The following RC3H1 variants were observed in gnomAD, a reference collection of about 807,000 sequenced individuals.
RC3H1 encodes roquin-1.
RC3H1 carries 50 observed loss-of-function variants against 138.2 expected under a neutral mutation model. The ratio of observed to expected loss-of-function variants is 0.36; its 90% CI spans 0.29 to 0.46. The LOEUF (loss-of-function observed/expected upper bound fraction) is 0.46, where lower values mean the gene tolerates loss of function less well. RC3H1 is among the 20% of genes least tolerant of loss of function. The probability of loss-of-function intolerance (pLI) is 1.00; values close to 1 mark genes in which losing one functional copy is unlikely to be tolerated. For synonymous variants in RC3H1, 462 were observed against 489.1 expected (o/e 0.94, Z 0.73); for missense variants, 1,031 against 1,388.1 (o/e 0.74, Z 4.09).
rs1571220883 is a variant in RC3H1 at position 173,983,135 on chromosome 1, T to A, written c.593-233A>T. The A allele has an allele frequency of 6.3e-6, 3 of 474,392 alleles. No individual in the cohort carries two copies. In the East Asian group the frequency reaches 1.0e-4, roughly 17 times the overall value. 29.4% of individuals were successfully genotyped at this position (474,392 alleles called of 1,614,324 possible). Reference sequence around the variant, plus strand: ...TTAATAAATTTAAGAAAAACTTCTATCAAAATGAATGAACTTCCTGCTACA... The same window carrying A: ...TTAATAAATTTAAGAAAAACTTCTAACAAAATGAATGAACTTCCTGCTACA... On this transcript the variant is annotated intron_variant, in intron 4 of 19. Coordinates refer to ENST00000367696, the MANE Select transcript of RC3H1 (RefSeq NM_172071.4).
Position 173,938,742 on chromosome 1 carries a change from A to C in RC3H1, c.3381T>G (p.Val1127=). The change falls in exon 20 of 20, where the codon GTT becomes GTG. Residue 1127 remains valine (V), a synonymous_variant. Transcript: ENST00000367696. ...GDNNDSQRSG[V]TPSSAP ...TATTTTAAGGAGCAGAACTGGGAGT[A>C]ACTCCTGATCTCTGGGAGTCATTAT... 5.0e-6 allele frequency: 8 copies of C among 1,611,294 alleles called. No individual in the cohort carries two copies. The highest frequency in any genetic ancestry group is 6.8e-6 in the Non-Finnish European group (8 of 1,178,558).
chr1:174,004,134 C>G lies in RC3H1; in HGVS notation c.-150-10999G>C, dbSNP rs1414559754. 4.0e-5 allele frequency among the ~76,000 whole-genome samples: 6 copies of G among 150,538 alleles called. No individual in the cohort carries two copies. In the South Asian group the frequency reaches 1.3e-3, roughly 32 times the overall value. ...TTTTTATTATTTTTTGAGACAGGGT[C>G]TTGCTCTGTCATCCAGACTGGAGTC... On this transcript the variant is annotated intron_variant, in intron 1 of 19. Coordinates refer to ENST00000367696, the MANE Select transcript of RC3H1 (RefSeq NM_172071.4).
chr1:173,961,348 C>G (rs1435136235), intron 12 of RC3H1, 104 bp from the exon 13 acceptor site: 2 of 1,000,442 alleles, frequency 2.0e-6, no homozygotes, highest in Non-Finnish European at 2.9e-6. Context: ...GCTTGTATAC[C>G]CTTCTTAACA....
At chr1:173,988,508 T>C (rs926914481) in intron 2 of RC3H1, among the ~76,000 whole-genome samples, 14 of 152,238 alleles carry the variant, frequency 9.2e-5, no homozygotes, top group Non-Finnish European at 8.8e-5. Flanking sequence ...ACTGCTTCCA[T>C]TTTTTGGCAA....
At chr1:173,992,389 C>T (rs2103041982) in intron 2 of RC3H1, among the ~76,000 whole-genome samples, 1 of 152,118 alleles carries the variant, frequency 6.6e-6, no homozygotes, top group East Asian at 1.9e-4. Flanking sequence ...TCAAATGATC[C>T]ACCCGCCTTG....
intron 2 of RC3H1, among the ~76,000 whole-genome samples, chr1:173,990,181 G>A (rs1406754325): frequency 2.0e-5 from 3 of 150,618 alleles, no homozygotes; most frequent in South Asian, 2.1e-4. Flanking sequence ...GGGTTCAAGC[G>A]AGTCTCATGC....
intron 2 of RC3H1, among the ~76,000 whole-genome samples, chr1:173,991,720 T>C (rs1298997963): frequency 2.0e-5 from 3 of 152,260 alleles, no homozygotes; most frequent in Non-Finnish European, 4.4e-5. Context: ...GATGATCATA[T>C]GTGTGCAATT....
chr1:173,970,332 T>C (rs778771507), intron 9 of RC3H1, among the ~76,000 whole-genome samples, 173 bp downstream of exon 9: 1 of 152,230 alleles, frequency 6.6e-6, no homozygotes, highest in Non-Finnish European at 1.5e-5. Flanking sequence ...CTTTCAAGCA[T>C]TTTTGGATTT....
intron 1 of RC3H1, among the ~76,000 whole-genome samples, chr1:174,002,361 T>A (rs768113679): frequency 2.6e-5 from 4 of 152,130 alleles, no homozygotes; most frequent in Non-Finnish European, 5.9e-5. Flanking sequence ...GGAAAGAAAA[T>A]CTAACCTGTG....
intron 13 of RC3H1, among the ~76,000 whole-genome samples, chr1:173,960,256 C>T (rs1659816615): frequency 6.6e-6 from 1 of 151,916 alleles, no homozygotes; most frequent in Non-Finnish European, 1.5e-5. Flanking sequence ...CGCCATTGCA[C>T]TCCAGCCTGG....
At chr1:173,967,688 G>A (rs1303230090) in intron 9 of RC3H1, among the ~76,000 whole-genome samples, 1 of 152,136 alleles carries the variant, frequency 6.6e-6, no homozygotes, top group African/African-American at 2.4e-5. Context: ...AGACTTGTAA[G>A]AGCTCATTTT....
chr1:173,971,966 T>C (rs1320820129), intron 8 of RC3H1, among the ~76,000 whole-genome samples: 2 of 152,086 alleles, frequency 1.3e-5, no homozygotes, highest in Non-Finnish European at 2.9e-5. Context: ...AATTTAAAAC[T>C]CTAGCTATAA....
intron 2 of RC3H1, 56 bp downstream of exon 2, chr1:173,992,699 C>CACAGAG (rs878958584): frequency 2.5e-5 from 19 of 746,370 alleles, no homozygotes; most frequent in Middle Eastern, 2.7e-4. Flanking sequence ...CACACACACA[C>CACAGAG]AGAGAGAGAG....
intron 9 of RC3H1, among the ~76,000 whole-genome samples, chr1:173,968,766 C>T (rs1307635471): frequency 1.3e-5 from 2 of 151,766 alleles, no homozygotes; most frequent in Non-Finnish European, 2.9e-5. Flanking sequence ...ACTAATTAAG[C>T]ATCATACTAT....
At chr1:174,017,799 A>C (rs1455810354) in intron 1 of RC3H1, among the ~76,000 whole-genome samples, 2 of 150,398 alleles carry the variant, frequency 1.3e-5, no homozygotes, top group Non-Finnish European at 3.0e-5. Flanking sequence ...AAAAAAAAAA[A>C]AAAAAAAAAA....
Position 173,958,516 on chromosome 1 carries a change from A to G in RC3H1, c.2370+2561T>C, listed in dbSNP as rs535166180. 2.3e-3 allele frequency among the ~76,000 whole-genome samples: 348 copies of G among 152,212 alleles called. 4 individuals are homozygous for G. The highest frequency in any genetic ancestry group is 4.3e-4 in the Non-Finnish European group (29 of 68,010). ...AGCCGAGATCGCACCACTGCACTCC[A>G]GCCTGGGCGACAGAGCAAGACTCTG... On this transcript the variant is annotated intron_variant, in intron 13 of 19. Transcript: ENST00000367696.
chr1:173,942,658 C>A (rs568404527), intron 18 of RC3H1, among the ~76,000 whole-genome samples: 1 of 151,658 alleles, frequency 6.6e-6, no homozygotes, highest in Non-Finnish European at 1.5e-5. Context: ...CGGTGAAACC[C>A]CGTCTCTACT....
In RC3H1 at chr1:173,992,853, G is replaced by A; in HGVS notation, c.133C>T (p.Leu45Phe). Residue 45 changes from leucine (L) to phenylalanine (F), a missense_variant, in exon 2 of 20, where the codon CTC becomes TTC. By Grantham distance (22) the Leu-to-Phe change is conservative. Transcript: ENST00000367696. ...HTVCKMCLNK[L>F]HRKACPFDQT... ...TCAAATGGGCAAGCCTTGCGGTGGA[G>A]TTTATTCAGGCACATCTTGCAGACA... is the stretch of plus-strand genomic sequence containing the variant. 6.2e-7 allele frequency: 1 copy of A among 1,614,196 alleles called. No homozygotes were observed. Among genetic ancestry groups the A allele is most frequent in the Non-Finnish European group, 8.5e-7 (1 of 1,180,028 alleles).
chr1:173,955,663 G>A (rs1450067907), intron 13 of RC3H1, among the ~76,000 whole-genome samples: 2 of 152,080 alleles, frequency 1.3e-5, no homozygotes, highest in Middle Eastern at 3.4e-3. Flanking sequence ...CAACAATGTT[G>A]TAGATACAAA....
Sources: gnomAD v4.1 joint callset for allele counts (sites outside exome capture counted in the v4.1 genomes callset) on GRCh38, gnomAD v4.1.1 for gene constraint, MANE v1.5 for transcripts, NCBI Gene and HGNC (gene_info 2026-07-23, HGNC 2026-07-21) for gene names.